Variants in U2SURP observed in about 807,000 individuals in gnomAD.
U2SURP encodes the protein U2 snRNP associated SURP domain containing.
Under a neutral mutation model 144.9 loss-of-function variants are expected in U2SURP, and 9 were observed. That is an observed-to-expected ratio of 0.06 (90% confidence interval 0.04 to 0.11). The LOEUF is 0.11. Ranked by LOEUF, U2SURP falls within the 10% of genes least tolerant of loss-of-function variation. The probability of loss-of-function intolerance (pLI) is 1.00; values close to 1 mark genes in which losing one functional copy is unlikely to be tolerated. For synonymous variants in U2SURP, 408 were observed against 396.8 expected, an observed-to-expected ratio of 1.03 and a Z score of -0.33; for missense variants, 724 against 1,226.7, an observed-to-expected ratio of 0.59 and a Z score of 6.12.
intron 1 of U2SURP, 99 bp from the exon 2 acceptor site, chr3:143,010,716 C>A: frequency 1.2e-6 from 1 of 831,396 alleles, no homozygotes; most frequent in Non-Finnish European, 1.8e-6. Context: ...GGAGAAATTG[C>A]CAGAAGTTAG....
Position 143,028,554 on chromosome 3 carries a change from A to G in U2SURP, c.1518A>G (p.Pro506=). ...AAAATGGATCTTTTTGGAGGCCACCACCATTAAATCCGTACTTGCATGGAA... is the reference window on the plus strand; with the variant it reads ...AAAATGGATCTTTTTGGAGGCCACCGCCATTAAATCCGTACTTGCATGGAA... The part of the protein sequence containing the change: ...MFKNGSFWRP[P]PLNPYLHGMS... The change falls in exon 16 of 28, where the codon CCA becomes CCG. Residue 506 remains proline, a synonymous_variant. Coordinates refer to ENST00000473835, the MANE Select transcript of U2SURP (RefSeq NM_001080415.2). The G allele has an allele frequency of 6.3e-7, 1 of 1,594,674 alleles. No individual in the cohort carries two copies. Among genetic ancestry groups the G allele is most frequent in the Non-Finnish European group, 8.5e-7 (1 of 1,175,046 alleles).
intron 24 of U2SURP, among the ~76,000 whole-genome samples, chr3:143,044,829 A>G (rs1258991893): frequency 2.0e-5 from 3 of 152,322 alleles, no homozygotes; most frequent in African/African-American, 7.2e-5. Context: ...CCTCTTTGTC[A>G]GACATCACCA....
At chr3:143,006,622 G>A (rs1419577891) in intron 1 of U2SURP, among the ~76,000 whole-genome samples, 1 of 152,074 alleles carries the variant, frequency 6.6e-6, no homozygotes, top group East Asian at 1.9e-4. Flanking sequence ...GGGCATGGTG[G>A]CACATGCTAC....
At chr3:143,015,029 T>C (rs930916712) in intron 4 of U2SURP, among the ~76,000 whole-genome samples, 1 of 152,062 alleles carries the variant, frequency 6.6e-6, no homozygotes, top group Admixed American at 6.6e-5. Flanking sequence ...AATGCATAAA[T>C]GTAGTTTTTC....
chr3:143,037,492 C>G (rs1030021247), intron 21 of U2SURP, among the ~76,000 whole-genome samples, 157 bp downstream of exon 21: 1 of 151,984 alleles, frequency 6.6e-6, no homozygotes, highest in Non-Finnish European at 1.5e-5. Flanking sequence ...AATTCATATA[C>G]CCAGTAATAC....
At chr3:143,036,906 C>T (rs1324528954) in intron 20 of U2SURP, 2 of 388,154 alleles carry the variant, frequency 5.2e-6, no homozygotes, top group Admixed American at 4.0e-5. Flanking sequence ...ACAGCAAAAA[C>T]CTTTACCAGG....
intron 12 of U2SURP, 120 bp downstream of exon 12, chr3:143,023,184 G>T (rs1932932823): frequency 1.2e-6 from 1 of 842,602 alleles, no homozygotes; most frequent in South Asian, 1.9e-5. Flanking sequence ...AACTTTTAAA[G>T]AAATAAGTAG....
chr3:143,040,751 A>G (rs1578155078), intron 23 of U2SURP, among the ~76,000 whole-genome samples: 2 of 151,992 alleles, frequency 1.3e-5, no homozygotes, highest in East Asian at 1.9e-4. Context: ...AAGCCTTGAA[A>G]AAATTATAAT....
At chr3:143,003,542 CTT>C (rs1040818652) in intron 1 of U2SURP, among the ~76,000 whole-genome samples, 3 of 152,060 alleles carry the variant, frequency 2.0e-5, no homozygotes, top group Non-Finnish European at 4.4e-5. Context: ...TCTTTCCCCT[CTT>C]TTTGTTTTTA....
intron 24 of U2SURP, among the ~76,000 whole-genome samples, chr3:143,043,681 C>A (rs984451953): frequency 6.6e-6 from 1 of 150,954 alleles, no homozygotes; most frequent in Non-Finnish European, 1.5e-5. Context: ...CATAGGAGAT[C>A]CTCTGAAGAA....
At chr3:143,054,742 A>G (rs1200381764) in intron 26 of U2SURP, among the ~76,000 whole-genome samples, 1 of 152,214 alleles carries the variant, frequency 6.6e-6, no homozygotes, top group Non-Finnish European at 1.5e-5. Flanking sequence ...ATTTAGTTGA[A>G]TTCAGTTGTT....
intron 1 of U2SURP, among the ~76,000 whole-genome samples, chr3:143,008,937 T>G (rs2108269354): frequency 6.6e-6 from 1 of 152,216 alleles, no homozygotes; most frequent in South Asian, 2.1e-4. Context: ...TTAGTAGAGA[T>G]GGGGTTTCAC....
At chr3:143,010,646 A>G (rs1936075811) in intron 1 of U2SURP, among the ~76,000 whole-genome samples, 169 bp from the exon 2 acceptor site, 1 of 152,240 alleles carries the variant, frequency 6.6e-6, no homozygotes, top group African/African-American at 2.4e-5. Flanking sequence ...TTACACATTT[A>G]CTTTGTATCA....
intron 6 of U2SURP, among the ~76,000 whole-genome samples, chr3:143,018,705 C>G (rs1176761146): frequency 3.3e-5 from 5 of 152,100 alleles, no homozygotes; most frequent in African/African-American, 1.2e-4. Flanking sequence ...AGTTTTCTCA[C>G]GTCGTACACT....
chr3:143,047,850 C>T (rs1934610234), intron 24 of U2SURP, among the ~76,000 whole-genome samples: 2 of 95,396 alleles, frequency 2.1e-5, no homozygotes, highest in Non-Finnish European at 4.3e-5. Context: ...CCCTCACCTC[C>T]CGGACGGGGC....
intron 1 of U2SURP, among the ~76,000 whole-genome samples, chr3:143,004,419 A>C (rs1169954146): frequency 8.4e-6 from 1 of 119,364 alleles, no homozygotes; most frequent in Non-Finnish European, 1.6e-5. Context: ...GCTGGAGTGC[A>C]GTGGTGCAAT....
intron 4 of U2SURP, 131 bp downstream of exon 4, chr3:143,014,540 G>C (rs768086131): frequency 3.9e-5 from 21 of 532,284 alleles, no homozygotes; most frequent in Non-Finnish European, 6.3e-5. Context: ...TCTGAGTCAA[G>C]TCTGTAATAC....
intron 7 of U2SURP, 145 bp from the exon 8 acceptor site, chr3:143,020,454 G>A (rs1936575463): frequency 1.6e-6 from 1 of 613,206 alleles, no homozygotes; most frequent in South Asian, 2.1e-5. Context: ...TATAGCTGAG[G>A]GACCCTCTAA....
intron 24 of U2SURP, among the ~76,000 whole-genome samples, chr3:143,049,331 G>A (rs1934723036): frequency 9.1e-6 from 1 of 110,304 alleles, no homozygotes; most frequent in Non-Finnish European, 1.8e-5. Context: ...AAATGGTAAA[G>A]ACTAATTTGT....
Sources: gnomAD v4.1 joint callset for allele counts (sites outside exome capture counted in the v4.1 genomes callset) on GRCh38, gnomAD v4.1.1 for gene constraint, MANE v1.5 for transcripts, NCBI Gene and HGNC (gene_info 2026-07-23, HGNC 2026-07-21) for gene names.